Variants in PPP2R2B observed in about 807,000 individuals in gnomAD.
The protein encoded by PPP2R2B is serine/threonine-protein phosphatase 2A 55 kDa regulatory subunit B beta isoform.
In PPP2R2B, 5 loss-of-function variants were observed where a neutral mutation model predicts 46.0. The ratio of observed to expected loss-of-function variants is 0.11; its 90% confidence interval spans 0.06 to 0.23. The LOEUF (loss-of-function observed/expected upper bound fraction) is 0.23, where lower values mean the gene tolerates loss of function less well. Among genes scored for constraint, PPP2R2B ranks in the 10% least tolerant of loss-of-function variants. PPP2R2B has a pLI of 1.00. For missense variants in PPP2R2B, 367 were observed against 575.0 expected, an observed-to-expected ratio of 0.64 and a Z score of 3.70; for synonymous variants, 215 against 206.7, an observed-to-expected ratio of 1.04 and a Z score of -0.34.
chr5:146,726,356 C>T (rs1383685141), intron 2 of PPP2R2B, among the ~76,000 whole-genome samples: 1 of 152,110 alleles, frequency 6.6e-6, no homozygotes, highest in East Asian at 1.9e-4. Flanking sequence ...GAGTGGAACA[C>T]AGGACTTTTT....
At chr5:146,878,786 A>G, upstream of PPP2R2B, 2 of 1,244,346 alleles carry the variant, frequency 1.6e-6, no homozygotes, top group South Asian at 2.8e-5. This position sits in a 1 kb window ranked among gnomAD's most constrained non-coding sequence, Gnocchi z 4.5. Flanking sequence ...CTGGTGCATT[A>G]AAGGCGAGGC....
chr5:146,938,846 T>G (rs2151827756), intron 1 of PPP2R2B, among the ~76,000 whole-genome samples: 1 of 145,214 alleles, frequency 6.9e-6, no homozygotes, highest in African/African-American at 2.6e-5. Flanking sequence ...AGTGGTGTGA[T>G]CTCAGCTCAC....
chr5:146,697,679 A>G (rs1051245796), intron 4 of PPP2R2B, among the ~76,000 whole-genome samples: 2 of 152,222 alleles, frequency 1.3e-5, no homozygotes, highest in African/African-American at 4.8e-5. Flanking sequence ...ACATTCAGTG[A>G]ATCTTAAGAC....
At chr5:146,917,481 AT>A (rs2151811463) in intron 1 of PPP2R2B, among the ~76,000 whole-genome samples, 1 of 152,332 alleles carries the variant, frequency 6.6e-6, no homozygotes, top group African/African-American at 2.4e-5. Context: ...TATTCTGCTC[AT>A]TGGTGTCTAT....
intron 2 of PPP2R2B, among the ~76,000 whole-genome samples, chr5:146,865,693 T>C (rs1370127220): frequency 3.9e-5 from 6 of 152,236 alleles, no homozygotes; most frequent in African/African-American, 1.2e-4. Context: ...GATATGGCTA[T>C]GTGTGAGGAC....
intron 2 of PPP2R2B, among the ~76,000 whole-genome samples, chr5:146,744,449 C>G (rs1753055465): frequency 6.6e-6 from 1 of 152,170 alleles, no homozygotes; most frequent in Non-Finnish European, 1.5e-5. Flanking sequence ...ATTCTCTTTC[C>G]TCCTCCAGTG....
chr5:146,809,973 T>C (rs924395087), intron 2 of PPP2R2B, among the ~76,000 whole-genome samples: 1 of 152,168 alleles, frequency 6.6e-6, no homozygotes, highest in Non-Finnish European at 1.5e-5. Flanking sequence ...AAGGACTTGC[T>C]AGCCAATCTG....
At chr5:146,696,223 C>T (rs1196167112) in intron 4 of PPP2R2B, among the ~76,000 whole-genome samples, 1 of 151,942 alleles carries the variant, frequency 6.6e-6, no homozygotes. Flanking sequence ...CCGGCCTCAG[C>T]CTCCCGAGTA....
upstream of PPP2R2B, among the ~76,000 whole-genome samples, chr5:146,880,881 A>T (rs746631473): frequency 3.3e-5 from 5 of 152,208 alleles, no homozygotes; most frequent in Non-Finnish European, 5.9e-5. Flanking sequence ...ATAGGTCTCC[A>T]TTGTTTAAGT....
At chr5:146,777,167 T>C (rs1755236327) in intron 2 of PPP2R2B, among the ~76,000 whole-genome samples, 1 of 152,050 alleles carries the variant, frequency 6.6e-6, no homozygotes, top group East Asian at 1.9e-4. Flanking sequence ...AATAGATACT[T>C]ATATACCAAT....
chr5:146,832,379 C>CTTTTTTTTTTTTTTTTTTTTTTTTTT (rs34269274), intron 2 of PPP2R2B, among the ~76,000 whole-genome samples: 1 of 70,192 alleles, frequency 1.4e-5, no homozygotes. Flanking sequence ...CATTTTTAAT[C>CTTTTTTTTTTTTTTTTTTTTTTTTTT]TTTTTTTTTT....
chr5:146,707,903 C>T (rs1017759757), intron 2 of PPP2R2B, among the ~76,000 whole-genome samples: 3 of 152,122 alleles, frequency 2.0e-5, no homozygotes, highest in East Asian at 3.8e-4. Context: ...AATTTATTTT[C>T]TTATGGTCTT....
intron 5 of PPP2R2B, among the ~76,000 whole-genome samples, chr5:146,672,235 G>A (rs543325691): frequency 1.3e-5 from 2 of 152,304 alleles, no homozygotes; most frequent in South Asian, 4.1e-4. Flanking sequence ...CAACATTCTT[G>A]TTTTCGAGTC....
chr5:146,763,832 A>G (rs1037383209), intron 2 of PPP2R2B, among the ~76,000 whole-genome samples: 3 of 152,036 alleles, frequency 2.0e-5, no homozygotes, highest in Non-Finnish European at 2.9e-5. Flanking sequence ...AAGTGATCCT[A>G]CTGTCTCAGC....
intron 2 of PPP2R2B, among the ~76,000 whole-genome samples, chr5:146,867,966 C>G (rs1039881410): frequency 1.3e-5 from 2 of 152,206 alleles, no homozygotes; most frequent in African/African-American, 4.8e-5. Flanking sequence ...TAACCCCCAC[C>G]ATGGAGTATA....
chr5:146,958,355 G>A (rs1012983391), intron 1 of PPP2R2B, among the ~76,000 whole-genome samples: 3 of 152,000 alleles, frequency 2.0e-5, no homozygotes, highest in African/African-American at 7.2e-5. Context: ...ATTTTTGAAG[G>A]AAATATCACT....
chr5:146,657,563 T>C (rs1776416275), intron 5 of PPP2R2B, among the ~76,000 whole-genome samples: 1 of 152,232 alleles, frequency 6.6e-6, no homozygotes, highest in Non-Finnish European at 1.5e-5. Flanking sequence ...TAAAATCAGA[T>C]CTCAGGAGTA....
chr5:146,592,720 G>T (rs1384800477), intron 9 of PPP2R2B, among the ~76,000 whole-genome samples: 1 of 152,208 alleles, frequency 6.6e-6, no homozygotes, highest in East Asian at 1.9e-4. Flanking sequence ...GTGTGAAAAA[G>T]ATAGGACTTT....
At chr5:146,790,034 GC>G (rs767760559) in intron 2 of PPP2R2B, among the ~76,000 whole-genome samples, 17 of 152,270 alleles carry the variant, frequency 1.1e-4, no homozygotes, top group South Asian at 4.1e-4. Context: ...GCCTTGACAT[GC>G]CCCATCTCTG....
Sources: gnomAD v4.1 joint callset for allele counts (sites outside exome capture counted in the v4.1 genomes callset) on GRCh38, gnomAD v4.1.1 for gene constraint, Gnocchi (gnomAD v3.1) non-coding constraint, MANE v1.5 for transcripts, NCBI Gene and HGNC (gene_info 2026-07-23, HGNC 2026-07-21) for gene names.